Variants in CELF5 observed in about 807,000 individuals in gnomAD.
CELF5 encodes CUGBP Elav-like family member 5.
CELF5 carries 6 observed loss-of-function variants against 54.9 expected under a neutral mutation model. The observed-to-expected ratio is 0.11, with a 90% CI of 0.06 to 0.22. CELF5 has a LOEUF of 0.22. Ranked by LOEUF, CELF5 falls within the 10% of genes least tolerant of loss-of-function variation. CELF5 has a pLI of 1.00. For synonymous variants in CELF5, 271 were observed against 290.9 expected (o/e 0.93, Z 0.70); for missense variants, 401 against 678.6 (o/e 0.59, Z 4.54).
intron 2 of CELF5, among the ~76,000 whole-genome samples, chr19:3,254,179 C>T (rs2079687863): frequency 6.6e-6 from 1 of 152,154 alleles, no homozygotes; most frequent in South Asian, 2.1e-4. Context: ...CCAGCAGCTC[C>T]TTCTCTGCAT....
chr19:3,286,129 G>A (rs1599480896), intron 10 of CELF5, 104 bp downstream of exon 10: 2 of 1,028,472 alleles, frequency 1.9e-6, no homozygotes, highest in East Asian at 6.2e-5. Context: ...CCGCGGGGCT[G>A]AGAGTGCGGC....
At chr19:3,286,106 G>A in intron 10 of CELF5, 81 bp downstream of exon 10, 12 of 1,250,786 alleles carry the variant, frequency 9.6e-6, no homozygotes, top group South Asian at 1.6e-5. Context: ...TGTCTGGCCC[G>A]GGCCTCTGGG....
intron 11 of CELF5, 111 bp downstream of exon 11, chr19:3,290,485 C>T (rs887721117): frequency 7.5e-6 from 9 of 1,194,360 alleles, no homozygotes; most frequent in Non-Finnish European, 1.1e-5. Flanking sequence ...GAAATAATCA[C>T]AATCAGAACC....
At chr19:3,231,133 A>G (rs570106682) in intron 1 of CELF5, among the ~76,000 whole-genome samples, 2 of 152,374 alleles carry the variant, frequency 1.3e-5, no homozygotes, top group Admixed American at 1.3e-4. Flanking sequence ...CTGGCCTAGC[A>G]GGAGTCCAGT....
At chr19:3,256,320 T>C (rs10401854) in intron 2 of CELF5, among the ~76,000 whole-genome samples, 29,512 of 151,874 alleles carry the variant, frequency 0.19, 3,306 homozygotes, top group East Asian at 0.54. Flanking sequence ...GGGGTGTCTG[T>C]GTCTGGCTCT....
At position 3,281,935 on chromosome 19, in the gene CELF5, G is replaced by T. The variant is rs1279099829; in HGVS notation, c.751-191G>T. On this transcript the variant is annotated intron_variant, in intron 6 of 12. Transcript: ENST00000292672. This position sits in a 1 kb window ranked among gnomAD's most constrained non-coding sequence, Gnocchi z 6.5. ...AGATTGAGCCCTGATCTCAGCCTGAGCCTCACTTCCGAACCGATCTCTGCT... is the reference window on the plus strand; with the variant it reads ...AGATTGAGCCCTGATCTCAGCCTGATCCTCACTTCCGAACCGATCTCTGCT... Among the ~76,000 whole-genome samples the T allele has an allele frequency of 6.6e-6, 1 of 152,096 alleles. No homozygotes were observed. The highest frequency in any genetic ancestry group is 1.5e-5 in the Non-Finnish European group (1 of 68,016).
In CELF5 at chr19:3,278,567, T is replaced by A. The variant is rs189018001; in HGVS notation, c.603+457T>A. On this transcript the variant is annotated intron_variant, in intron 5 of 12. Coordinates refer to ENST00000292672, the MANE Select transcript of CELF5 (RefSeq NM_021938.4). This position sits in a 1 kb window ranked among gnomAD's most constrained non-coding sequence, Gnocchi z 4.5. ...GTAGAGATACTAGTGCGTGTGCGTGTATGAGAGTGTACATGTGTGTTTCTA... is the reference window on the plus strand; with the variant it reads ...GTAGAGATACTAGTGCGTGTGCGTGAATGAGAGTGTACATGTGTGTTTCTA... 6.0e-4 allele frequency among the ~76,000 whole-genome samples: 91 copies of A among 152,166 alleles called. No homozygotes were observed. Among genetic ancestry groups the A allele is most frequent in the Non-Finnish European group, 1.1e-3 (78 of 67,996 alleles).
intron 2 of CELF5, among the ~76,000 whole-genome samples, chr19:3,262,813 C>G (rs1391175039): frequency 6.6e-6 from 1 of 151,922 alleles, no homozygotes; most frequent in Non-Finnish European, 1.5e-5. Context: ...GTGGCACATG[C>G]CTGTCATCCC....
At chr19:3,244,166 G>T (rs2079528429) in intron 1 of CELF5, among the ~76,000 whole-genome samples, 1 of 152,042 alleles carries the variant, frequency 6.6e-6, no homozygotes, top group Non-Finnish European at 1.5e-5. Context: ...GTTGGGCCAA[G>T]AGATCACGGA....
intron 1 of CELF5, among the ~76,000 whole-genome samples, chr19:3,226,406 C>T (rs1406819752): frequency 4.2e-5 from 6 of 142,122 alleles, no homozygotes; most frequent in Non-Finnish European, 9.2e-5. Flanking sequence ...AAAGAAACCC[C>T]TCCCCATTCC....
intron 1 of CELF5, among the ~76,000 whole-genome samples, chr19:3,235,523 TGAATAGG>T (rs1568329805): frequency 8.2e-6 from 1 of 122,290 alleles, no homozygotes; most frequent in Admixed American, 8.3e-5. Context: ...GATGGATGGA[TGAATAGG>T]TGGGTGGGTG....
intron 2 of CELF5, among the ~76,000 whole-genome samples, chr19:3,258,318 T>C (rs565604316): frequency 6.6e-6 from 1 of 150,608 alleles, no homozygotes; most frequent in African/African-American, 2.4e-5. Context: ...ACAGTGGTTT[T>C]CCTATGTTGC....
At chr19:3,235,059 C>T (rs1166624776) in intron 1 of CELF5, among the ~76,000 whole-genome samples, 1 of 152,076 alleles carries the variant, frequency 6.6e-6, no homozygotes, top group African/African-American at 2.4e-5. Flanking sequence ...CCATCCCCTG[C>T]CCCCTCTCTC....
intron 2 of CELF5, among the ~76,000 whole-genome samples, chr19:3,272,147 C>T (rs1316232716): frequency 1.3e-5 from 2 of 152,246 alleles, no homozygotes; most frequent in South Asian, 4.1e-4. Context: ...GTGGGCGGAT[C>T]ACGAACTCAG....
At chr19:3,271,437 T>G (rs1394573153) in intron 2 of CELF5, among the ~76,000 whole-genome samples, 3 of 151,972 alleles carry the variant, frequency 2.0e-5, no homozygotes, top group African/African-American at 7.3e-5. Context: ...GCATGGAGGT[T>G]TTCCTCTCCT....
intron 12 of CELF5, chr19:3,296,434 G>GAAAAAAAAAAAAAAAAAAAAAGA (rs2080450767): frequency 2.4e-4 from 13 of 54,862 alleles, no homozygotes; most frequent in African/African-American, 5.0e-4. Context: ...AAACCACACA[G>GAAAAAAAAAAAAAAAAAAAAAGA]AAAAAAAAAA....
chr19:3,228,915 T>TGTGTGTGTGTGTGTGC lies in CELF5; in HGVS notation c.259+3917_259+3918insGTGTGTGTGTGTGTGC, dbSNP rs60732050. Among the ~76,000 whole-genome samples, 2 of 143,508 alleles carry TGTGTGTGTGTGTGTGC rather than the reference T, an allele frequency of 1.4e-5. No individual in the cohort carries two copies. The highest frequency in any genetic ancestry group is 4.5e-4 in the South Asian group (2 of 4,412). 94.1% of individuals were successfully genotyped at this position (143,508 alleles called of 152,430 possible). On this transcript the variant is annotated intron_variant, in intron 1 of 12. Coordinates refer to ENST00000292672, the MANE Select transcript of CELF5 (RefSeq NM_021938.4). This position sits in a 1 kb window ranked among gnomAD's most constrained non-coding sequence, Gnocchi z 6.0. Reference sequence around the variant, plus strand: ...GTGTGTGTGTGTGTGTGTGTGTGTGTACGCGGGCGCGCGCCTGGGAAGGAC... The same window carrying TGTGTGTGTGTGTGTGC: ...GTGTGTGTGTGTGTGTGTGTGTGTGTGTGTGTGTGTGTGTGCACGCGGGCGCGCGCCTGGGAAGGAC...
At chr19:3,247,300 G>A (rs915222865) in intron 1 of CELF5, among the ~76,000 whole-genome samples, 1 of 151,922 alleles carries the variant, frequency 6.6e-6, no homozygotes, top group African/African-American at 2.4e-5. Flanking sequence ...CTAATTTTTT[G>A]TATTTTTAGT....
chr19:3,273,721 T>C (rs2080002144), intron 2 of CELF5, 151 bp from the exon 3 acceptor site: 1 of 644,164 alleles, frequency 1.6e-6, no homozygotes, highest in African/African-American at 1.8e-5. Context: ...CAGTGTGTAA[T>C]TTCTTTGACT....
Sources: gnomAD v4.1 joint callset for allele counts (sites outside exome capture counted in the v4.1 genomes callset) on GRCh38, gnomAD v4.1.1 for gene constraint, Gnocchi (gnomAD v3.1) non-coding constraint, MANE v1.5 for transcripts, NCBI Gene and HGNC (gene_info 2026-07-23, HGNC 2026-07-21) for gene names.